The following APBB2 variants were observed in gnomAD, a reference collection of about 807,000 sequenced individuals.
The protein encoded by APBB2 is amyloid beta precursor protein binding family B member 2, also known as Fe65-like 1.
Under a neutral mutation model 82.5 loss-of-function variants are expected in APBB2, and 38 were observed. The observed-to-expected ratio is 0.46, with a 90% CI of 0.36 to 0.60. The LOEUF (loss-of-function observed/expected upper bound fraction) is 0.60, where lower values mean the gene tolerates loss of function less well. Ranked by LOEUF, APBB2 falls within the 20% of genes least tolerant of loss-of-function variation. The pLI is 0.00. For synonymous variants in APBB2, 341 were observed against 368.2 expected, an observed-to-expected ratio of 0.93 and a Z score of 0.85; for missense variants, 772 against 972.3, an observed-to-expected ratio of 0.79 and a Z score of 2.74.
At position 41,157,735 on chromosome 4, in the gene APBB2, A is replaced by G. The variant is rs144906543; in HGVS notation, c.-416-14593T>C. Among the ~76,000 whole-genome samples, 999 of 152,326 alleles carry G rather than the reference A, an allele frequency of 6.6e-3. 14 individuals are homozygous for G. Among genetic ancestry groups the G allele is most frequent in the South Asian group, 0.028 (135 of 4,826 alleles). ...AGGCCGCGCAGTGGCTCACACCTGT[A>G]ATCCCAGCACTTTGGGAGGATGATG... On this transcript the variant is annotated intron_variant, in intron 1 of 17. Coordinates refer to ENST00000508593, the MANE Select transcript of APBB2 (RefSeq NM_004307.2).
At chr4:40,895,414 G>C (rs1773388023) in intron 10 of APBB2, among the ~76,000 whole-genome samples, 1 of 152,252 alleles carries the variant, frequency 6.6e-6, no homozygotes, top group East Asian at 1.9e-4. Flanking sequence ...TATACACACT[G>C]CAGGGAACCA....
chr4:40,975,459 G>A (rs1192295448), intron 6 of APBB2, among the ~76,000 whole-genome samples: 1 of 151,860 alleles, frequency 6.6e-6, no homozygotes, highest in African/African-American at 2.4e-5. Flanking sequence ...GTCTAATTTT[G>A]TGTTTAATTA....
chr4:40,946,647 T>TA (rs1290731615), intron 6 of APBB2, among the ~76,000 whole-genome samples: 1 of 144,378 alleles, frequency 6.9e-6, no homozygotes, highest in Non-Finnish European at 1.5e-5. Context: ...GATGGAGGGG[T>TA]AATAAGGGAA....
intron 5 of APBB2, among the ~76,000 whole-genome samples, chr4:41,017,134 T>C (rs1056681462): frequency 6.6e-6 from 1 of 152,100 alleles, no homozygotes; most frequent in Non-Finnish European, 1.5e-5. Flanking sequence ...TGGGTTCAAG[T>C]AATCCTCCTA....
chr4:40,924,902 T>G (rs1213212458), intron 10 of APBB2, among the ~76,000 whole-genome samples: 1 of 152,218 alleles, frequency 6.6e-6, no homozygotes, highest in African/African-American at 2.4e-5. Flanking sequence ...AACAGATCTG[T>G]TCCTAAAAGC....
At chr4:41,153,502 A>G (rs982919481) in intron 1 of APBB2, among the ~76,000 whole-genome samples, 14 of 152,126 alleles carry the variant, frequency 9.2e-5, no homozygotes, top group Admixed American at 2.0e-4. Context: ...TTCCCCTACT[A>G]TCTCATCTGT....
chr4:41,211,038 T>A (rs1779195545), intron 1 of APBB2, among the ~76,000 whole-genome samples: 1 of 152,126 alleles, frequency 6.6e-6, no homozygotes, highest in Non-Finnish European at 1.5e-5. Flanking sequence ...GTGGACCTCC[T>A]GAGGTCAGGA....
intron 6 of APBB2, among the ~76,000 whole-genome samples, chr4:41,002,405 A>AT (rs1253055762): frequency 1.3e-5 from 2 of 152,390 alleles, no homozygotes; most frequent in African/African-American, 2.4e-5. Context: ...TAGGATGACT[A>AT]TGATTAAAAG....
In APBB2 at chr4:41,037,463, TTAGA is replaced by T. The variant is rs1442158888; in HGVS notation, c.-50-4163_-50-4160del. Among the ~76,000 whole-genome samples, 26 of 152,162 alleles carry T rather than the reference TTAGA, an allele frequency of 1.7e-4. 1 individual carries two copies. The highest frequency in any genetic ancestry group is 5.8e-4 in the African/African-American group (24 of 41,444). The stretch of plus-strand genomic sequence containing the variant: ...AAAACCATGTTTAGAATTTCCAGGG[TTAGA>T]TAATTATACAAAAAAGTTATTTAAC... On this transcript the variant is annotated intron_variant, in intron 4 of 17. Transcript: ENST00000508593.
intron 12 of APBB2, among the ~76,000 whole-genome samples, chr4:40,876,097 A>G (rs1256127465): frequency 1.3e-5 from 2 of 152,220 alleles, no homozygotes; most frequent in Non-Finnish European, 2.9e-5. Flanking sequence ...GAAGATTCTC[A>G]GCCTTTCTTA....
At position 40,887,547 on chromosome 4, in the gene APBB2, A is replaced by T. The variant is rs552118459; in HGVS notation, c.1529+2817T>A. On this transcript the variant is annotated intron_variant, in intron 12 of 17. Coordinates refer to ENST00000508593, the MANE Select transcript of APBB2 (RefSeq NM_004307.2). ...TTGCTCTTGTAAATTGCTGTTAAGG[A>T]AAAAAAAAGGAATCAAAAGCAAAGG... 2.1e-5 allele frequency among the ~76,000 whole-genome samples: 3 copies of T among 145,506 alleles called. No homozygotes were observed. The East Asian group carries it at 5.8e-4, about 28-fold the overall frequency.
chr4:41,073,429 G>A (rs1734569906), intron 3 of APBB2, among the ~76,000 whole-genome samples: 1 of 151,976 alleles, frequency 6.6e-6, no homozygotes. Context: ...AGTTTACAAG[G>A]CACCTTCACA....
chr4:41,157,096 C>T lies in APBB2; in HGVS notation c.-416-13954G>A, dbSNP rs10024231. On this transcript the variant is annotated intron_variant, in intron 1 of 17. Transcript: ENST00000508593. The stretch of plus-strand genomic sequence containing the variant: ...AAAAAAAAAAAAACAAGGATCATAA[C>T]ATCCACCTTCCAGATGGAGAAGGGA... Among the ~76,000 whole-genome samples the T allele has an allele frequency of 7.2e-4, 107 of 148,468 alleles. 1 individual carries two copies. Among genetic ancestry groups the T allele is most frequent in the Middle Eastern group, 3.5e-3 (1 of 286 alleles).
intron 4 of APBB2, among the ~76,000 whole-genome samples, chr4:41,052,345 T>G (rs1726299870): frequency 6.6e-6 from 1 of 152,176 alleles, no homozygotes; most frequent in African/African-American, 2.4e-5. Context: ...TGCATGGACA[T>G]AAGCCGTTCT....
rs529216693 is a variant in APBB2, at chr4:40,825,721, C to T, written c.1816+166G>A. 2.3e-4 allele frequency: 139 copies of T among 614,608 alleles called. No homozygotes were observed. The African/African-American group carries it at 2.3e-3, about 10-fold the overall frequency. 38.1% of individuals were successfully genotyped at this position (614,608 alleles called of 1,614,324 possible). A position where few individuals can be genotyped will look rare whatever the true frequency, so the allele number is the denominator to read the frequency against. ...CAGCGGGGCCTGTCCCTCTACTCAT[C>T]TTTTGATCAGGACCGTTTATGTTCT... On this transcript the variant is annotated intron_variant, in intron 15 of 17. Coordinates refer to ENST00000508593, the MANE Select transcript of APBB2 (RefSeq NM_004307.2).
chr4:40,892,053 T>C (rs931263232), intron 11 of APBB2, among the ~76,000 whole-genome samples: 10 of 151,332 alleles, frequency 6.6e-5, no homozygotes, highest in Non-Finnish European at 8.8e-5. Flanking sequence ...CAGGTTCAAG[T>C]GATTCTCCTA....
chr4:40,833,132 C>G (rs1034765834), intron 12 of APBB2, among the ~76,000 whole-genome samples: 3 of 152,210 alleles, frequency 2.0e-5, no homozygotes, highest in South Asian at 2.1e-4. Context: ...GTTCTCCTCC[C>G]TAGAGGGTCC....
At chr4:40,877,377 G>C (rs888601098) in intron 12 of APBB2, among the ~76,000 whole-genome samples, 1 of 152,166 alleles carries the variant, frequency 6.6e-6, no homozygotes, top group African/African-American at 2.4e-5. Flanking sequence ...TCAATTCTTT[G>C]GAGCTCAGAT....
At chr4:40,965,946 T>C (rs1294423580) in intron 6 of APBB2, among the ~76,000 whole-genome samples, 1 of 152,206 alleles carries the variant, frequency 6.6e-6, no homozygotes, top group African/African-American at 2.4e-5. Context: ...CTGCTCTCAC[T>C]TTCAACACTT....
Sources: allele counts gnomAD v4.1 joint callset (sites outside exome capture counted in the v4.1 genomes callset), GRCh38; gene constraint gnomAD v4.1.1; transcripts MANE v1.5; gene names NCBI Gene and HGNC (gene_info 2026-07-23, HGNC 2026-07-21).